HRH1: variants seen among roughly 807,000 people sequenced by gnomAD.
The protein encoded by HRH1 is histamine receptor H1, also known as histamine H1 receptor.
A neutral mutation model predicts 10.3 loss-of-function variants in HRH1; 6 were observed. That is an observed-to-expected ratio of 0.58 (90% CI 0.32 to 1.15). HRH1 has a LOEUF of 1.15. Ranked by LOEUF, HRH1 falls within the 50% of genes most tolerant of loss-of-function variation. HRH1 has a pLI of 0.05. For synonymous variants in HRH1, 242 were observed against 236.7 expected, an observed-to-expected ratio of 1.02 and a Z score of -0.21; for missense variants, 514 against 615.3, an observed-to-expected ratio of 0.84 and a Z score of 1.74.
chr3:11,194,660 A>G (rs1575001120), intron 1 of HRH1, among the ~76,000 whole-genome samples: 1 of 152,298 alleles, frequency 6.6e-6, no homozygotes, highest in South Asian at 2.1e-4. Flanking sequence ...CTAAAAATAC[A>G]AACAATTAGC....
At chr3:11,221,442 C>T (rs1263349183) in intron 1 of HRH1, among the ~76,000 whole-genome samples, 1 of 151,704 alleles carries the variant, frequency 6.6e-6, no homozygotes, top group Non-Finnish European at 1.5e-5. Context: ...GTAATCCCAG[C>T]TACTTGGGAG....
chr3:11,234,681 GGC>G, intron 1 of HRH1: 1 of 1,161,376 alleles, frequency 8.6e-7, no homozygotes, highest in South Asian at 1.2e-5. Flanking sequence ...AGTAGGACAT[GGC>G]TGCAGCCCTG....
At chr3:11,190,366 T>TA in intron 1 of HRH1, among the ~76,000 whole-genome samples, 1 of 124,680 alleles carries the variant, frequency 8.0e-6, no homozygotes. Flanking sequence ...TATATATATA[T>TA]TTTTTAATTA....
chr3:11,250,208 A>ATTTTTTTT (rs71055857), intron 1 of HRH1, among the ~76,000 whole-genome samples: 59 of 106,876 alleles, frequency 5.5e-4, no homozygotes, highest in African/African-American at 9.3e-4. Flanking sequence ...CACCCGGCTA[A>ATTTTTTTT]TTTTTTTTTT....
At position 11,218,741 on chromosome 3, in the gene HRH1, A is replaced by AT. The variant is rs201688170; in HGVS notation, c.-35-40256dup. The stretch of plus-strand genomic sequence containing the variant: ...TAGCGTGGGCCACCACGCCCAGCTA[A>AT]TTTTTTGTATTTTTCATAGAGATGG... On this transcript the variant is annotated intron_variant, in intron 1 of 1. Transcript: ENST00000431010. Among the ~76,000 whole-genome samples the AT allele has an allele frequency of 4.5e-3, 681 of 151,812 alleles. 5 individuals are homozygous for AT. The highest frequency in any genetic ancestry group is 7.8e-3 in the Non-Finnish European group (532 of 67,964).
chr3:11,223,841 T>G (rs1938793718), intron 1 of HRH1, among the ~76,000 whole-genome samples: 1 of 152,098 alleles, frequency 6.6e-6, no homozygotes, highest in Non-Finnish European at 1.5e-5. Flanking sequence ...ACACAGCAAA[T>G]TCATTCAACA....
At chr3:11,227,238 C>T (rs1019671002) in intron 1 of HRH1, among the ~76,000 whole-genome samples, 4 of 151,768 alleles carry the variant, frequency 2.6e-5, no homozygotes, top group East Asian at 1.9e-4. Context: ...AGCATGGAAC[C>T]GTAGTGGTTG....
At position 11,259,313 on chromosome 3, in the gene HRH1, G is replaced by C. The variant is rs1939872568; in HGVS notation, c.276G>C (p.Lys92Asn). 2 of 1,613,694 alleles carry C rather than the reference G, an allele frequency of 1.2e-6. No individual in the cohort carries two copies. Among genetic ancestry groups the C allele is most frequent in the Non-Finnish European group, 1.7e-6 (2 of 1,180,004 alleles). The change falls in exon 2 of 2, where the codon AAG (lysine) becomes AAC (asparagine). Residue 92 changes from lysine to asparagine, a missense_variant. Transcript: ENST00000431010. The surrounding 1 kb of genome is among the most constrained non-coding windows in gnomAD (Gnocchi z 4.6). ...ACATCCTCTACCTGCTCATGTCCAAGTGGTCACTGGGCCGTCCTCTCTGCC... is the reference window on the plus strand; with the variant it reads ...ACATCCTCTACCTGCTCATGTCCAACTGGTCACTGGGCCGTCCTCTCTGCC... ...PMNILYLLMS[K>N]WSLGRPLCLF...
At chr3:11,214,772 T>C (rs927734977) in intron 1 of HRH1, among the ~76,000 whole-genome samples, 1 of 152,238 alleles carries the variant, frequency 6.6e-6, no homozygotes, top group Non-Finnish European at 1.5e-5. Context: ...GGAGGCAGCA[T>C]AGGTTTCATG....
chr3:11,164,979 G>C (rs569225967), intron 1 of HRH1, among the ~76,000 whole-genome samples: 2 of 152,338 alleles, frequency 1.3e-5, no homozygotes, highest in East Asian at 3.9e-4. Flanking sequence ...TGTGCCTGCT[G>C]TACAGTGGGG....
intron 1 of HRH1, among the ~76,000 whole-genome samples, chr3:11,204,766 A>G (rs1163375402): frequency 6.6e-6 from 1 of 152,244 alleles, no homozygotes; most frequent in Non-Finnish European, 1.5e-5. Flanking sequence ...AGAAAGGGTC[A>G]GTCCTCCACT....
At position 11,259,252 on chromosome 3, in the gene HRH1, C is replaced by T. The variant is rs867429393; in HGVS notation, c.215C>T (p.Ala72Val). Residue 72 changes from alanine to valine, a missense_variant, in exon 2 of 2, where the codon GCG becomes GTG. Ala to Val is a moderately conservative substitution (Grantham distance 64). Coordinates refer to ENST00000431010, the MANE Select transcript of HRH1 (RefSeq NM_001098212.2). This position sits in a 1 kb window ranked among gnomAD's most constrained non-coding sequence, Gnocchi z 4.6. The stretch of plus-strand genomic sequence containing the variant: ...CTGTACATCGTCAGCCTCTCGGTGG[C>T]GGACTTGATCGTGGGTGCCGTCGTC... Reference protein sequence around the residue: ...GNLYIVSLSVADLIVGAVVMP... With the variant: ...GNLYIVSLSVVDLIVGAVVMP... The T allele has an allele frequency of 9.3e-6, 15 of 1,609,042 alleles. No homozygotes were observed. Among genetic ancestry groups the T allele is most frequent in the Non-Finnish European group, 1.3e-5 (15 of 1,177,936 alleles).
intron 1 of HRH1, among the ~76,000 whole-genome samples, chr3:11,250,034 CTTTTTTTTTT>C (rs71055856): frequency 1.8e-4 from 11 of 60,764 alleles, no homozygotes; most frequent in Non-Finnish European, 3.0e-4. Context: ...AAGCTTTTCT[CTTTTTTTTTT>C]TTTTTTTTTT....
chr3:11,212,265 A>G (rs1938353130), intron 1 of HRH1, among the ~76,000 whole-genome samples: 1 of 152,198 alleles, frequency 6.6e-6, no homozygotes, highest in South Asian at 2.1e-4. Flanking sequence ...AGAAGGAAAA[A>G]GAAAAGAAAA....
At chr3:11,192,374 T>A (rs1418508051) in intron 1 of HRH1, among the ~76,000 whole-genome samples, 1 of 152,212 alleles carries the variant, frequency 6.6e-6, no homozygotes, top group African/African-American at 2.4e-5. Flanking sequence ...ACCTTATGTT[T>A]GTGATAGCCA....
intron 1 of HRH1, among the ~76,000 whole-genome samples, chr3:11,210,788 G>A (rs2125033964): frequency 8.2e-6 from 1 of 122,570 alleles, no homozygotes; most frequent in East Asian, 2.6e-4. Flanking sequence ...GCAAGATCCT[G>A]TCTCAAAAGA....
intron 1 of HRH1, among the ~76,000 whole-genome samples, chr3:11,144,023 C>T (rs781389018): frequency 3.3e-5 from 5 of 152,052 alleles, no homozygotes; most frequent in African/African-American, 2.4e-5. Context: ...CCAGTCAGAA[C>T]GGCTATTGCT....
chr3:11,260,398 T>C lies in HRH1; in HGVS notation c.1361T>C (p.Ile454Thr). ...AATGAACATTTGCACATGTTCACCA[T>C]CTGGCTGGGCTACATCAACTCCACA... ...CCNEHLHMFT[I>T]WLGYINSTLN... The change falls in exon 2 of 2, where the codon ATC becomes ACC. Residue 454 changes from isoleucine (I) to threonine (T), a missense_variant. By Grantham distance (89) the Ile-to-Thr change is moderately conservative. Coordinates refer to ENST00000431010, the MANE Select transcript of HRH1 (RefSeq NM_001098212.2). 6.2e-7 allele frequency: 1 copy of C among 1,614,248 alleles called. No homozygotes were observed. Among genetic ancestry groups the C allele is most frequent in the Non-Finnish European group, 8.5e-7 (1 of 1,180,040 alleles).
chr3:11,183,259 G>A (rs1251251493), intron 1 of HRH1, among the ~76,000 whole-genome samples: 2 of 152,206 alleles, frequency 1.3e-5, no homozygotes, highest in East Asian at 1.9e-4. Context: ...TGTCCTGTAC[G>A]TCAGGCTGAT....
Sources: gnomAD v4.1 joint callset for allele counts (sites outside exome capture counted in the v4.1 genomes callset) on GRCh38, gnomAD v4.1.1 for gene constraint, Gnocchi (gnomAD v3.1) non-coding constraint, MANE v1.5 for transcripts, NCBI Gene and HGNC (gene_info 2026-07-23, HGNC 2026-07-21) for gene names.